The following TRIM62 variants were observed in gnomAD, a reference collection of about 807,000 sequenced individuals.
The protein encoded by TRIM62 is tripartite motif containing 62.
TRIM62 carries 39 observed loss-of-function variants against 44.2 expected under a neutral mutation model. That is an observed-to-expected ratio of 0.88 (90% confidence interval 0.68 to 1.15). TRIM62 has a LOEUF of 1.15. TRIM62 is among the 50% of genes most tolerant of loss of function. TRIM62 has a pLI of 0.00. For missense variants in TRIM62, 544 were observed against 665.5 expected, an observed-to-expected ratio of 0.82 and a Z score of 2.01; for synonymous variants, 278 against 292.3, an observed-to-expected ratio of 0.95 and a Z score of 0.50.
Position 33,180,967 on chromosome 1 carries a change from G to T in TRIM62, c.408+58C>A, listed in dbSNP as rs1296763700. ...CGGTCCAGCCCTGACCCCACCCCCC[G>T]CCCGGCCCCACCTCCAGCCCGGCCC... On this transcript the variant is annotated intron_variant, in intron 1 of 4. Coordinates refer to ENST00000291416, the MANE Select transcript of TRIM62 (RefSeq NM_018207.3). 1.2e-3 allele frequency: 444 copies of T among 372,500 alleles called. 4 individuals carry two copies. In the African/African-American group the frequency reaches 0.023, roughly 20 times the overall value. The allele number at this position is 372,500 out of a possible 1,614,324, so 23.1% of individuals were successfully genotyped here.
intron 1 of TRIM62, among the ~76,000 whole-genome samples, chr1:33,175,454 A>G (rs953678510): frequency 3.3e-5 from 5 of 152,184 alleles, no homozygotes; most frequent in Non-Finnish European, 5.9e-5. Flanking sequence ...TGGTACTGGG[A>G]AAACAACACT....
Position 33,146,536 on chromosome 1 carries a change from A to G in TRIM62, c.*641T>C, listed in dbSNP as rs143838508. On this transcript the variant is annotated 3_prime_UTR_variant, in exon 5 of 5. Transcript: ENST00000291416. ...CCTGTGGGCAGGAAGGTGGTGGCACATGACTATAATGTGTGGACTCAACTA... is the reference window on the plus strand; with the variant it reads ...CCTGTGGGCAGGAAGGTGGTGGCACGTGACTATAATGTGTGGACTCAACTA... The G allele has an allele frequency of 6.3e-6, 1 of 158,446 alleles. No homozygotes were observed. The highest frequency in any genetic ancestry group is 1.4e-5 in the Non-Finnish European group (1 of 71,522). 9.8% of individuals were successfully genotyped at this position (158,446 alleles called of 1,614,324 possible).
intron 4 of TRIM62, among the ~76,000 whole-genome samples, chr1:33,151,931 C>T (rs1016623977): frequency 1.3e-5 from 2 of 152,248 alleles, no homozygotes; most frequent in Non-Finnish European, 1.5e-5. Flanking sequence ...ACAGAGGCTT[C>T]GAACATGCAG....
chr1:33,173,819 C>T (rs1432865303), intron 1 of TRIM62, among the ~76,000 whole-genome samples: 1 of 151,966 alleles, frequency 6.6e-6, no homozygotes, highest in Non-Finnish European at 1.5e-5. Flanking sequence ...CCTGCCTCAG[C>T]CTCCCAAGTA....
intron 4 of TRIM62, among the ~76,000 whole-genome samples, chr1:33,151,946 C>T (rs545711138): frequency 4.6e-5 from 7 of 152,352 alleles, no homozygotes; most frequent in South Asian, 4.1e-4. Context: ...ATGCAGAGGC[C>T]TGACAGAACA....
In TRIM62 at chr1:33,181,473, G is replaced by C; in HGVS notation, c.-41C>G. 6.5e-7 allele frequency: 1 copy of C among 1,540,546 alleles called. No homozygotes were observed. Among genetic ancestry groups the C allele is most frequent in the Non-Finnish European group, 8.7e-7 (1 of 1,153,480 alleles). On this transcript the variant is annotated 5_prime_UTR_variant, in exon 1 of 5. Transcript: ENST00000291416. The surrounding 1 kb of genome is among the most constrained non-coding windows in gnomAD (Gnocchi z 6.5). ...AGAGAGGGGGGCCCGAGGGGCAGGGGGGCGGCTGAGAGAGCGCGGCGCTGT... is the reference window on the plus strand; with the variant it reads ...AGAGAGGGGGGCCCGAGGGGCAGGGCGGCGGCTGAGAGAGCGCGGCGCTGT...
Position 33,146,866 on chromosome 1 carries a change from A to G in TRIM62, c.*311T>C. ...GGCTGGGCTGGAGGGAGACACTGGA[A>G]GGTAGTCCCCTGCCCCTGAGAAGAT... is the stretch of plus-strand genomic sequence containing the variant. On this transcript the variant is annotated 3_prime_UTR_variant, in exon 5 of 5. Coordinates refer to ENST00000291416, the MANE Select transcript of TRIM62 (RefSeq NM_018207.3). 5.2e-6 allele frequency: 2 copies of G among 381,458 alleles called. No homozygotes were observed. The highest frequency in any genetic ancestry group is 9.7e-6 in the Non-Finnish European group (2 of 206,172). The allele number at this position is 381,458 out of a possible 1,614,324, so 23.6% of individuals were successfully genotyped here.
At position 33,159,902 on chromosome 1, in the gene TRIM62, C is replaced by G; in HGVS notation, c.547G>C (p.Glu183Gln). 1 of 1,609,386 alleles carries G rather than the reference C, an allele frequency of 6.2e-7. No homozygotes were observed. Among genetic ancestry groups the G allele is most frequent in the Non-Finnish European group, 8.5e-7 (1 of 1,179,968 alleles). Residue 183 changes from glutamate to glutamine, a missense_variant, in exon 3 of 5, where the codon GAG (glutamate) becomes CAG (glutamine). Transcript: ENST00000291416. This position sits in a 1 kb window ranked among gnomAD's most constrained non-coding sequence, Gnocchi z 4.2. Reference protein sequence around the residue: ...SLRTTIGEAFERLHRLLRERQ... With the variant: ...SLRTTIGEAFQRLHRLLRERQ... Reference sequence around the variant, plus strand: ...TCACGCAGCAGCCGGTGCAGCCGCTCGAAGGCCTCGCCGATAGTGGTCCGC... The same window carrying G: ...TCACGCAGCAGCCGGTGCAGCCGCTGGAAGGCCTCGCCGATAGTGGTCCGC...
chr1:33,172,824 C>T (rs3766815), intron 1 of TRIM62, among the ~76,000 whole-genome samples: 28,439 of 152,138 alleles, frequency 0.19, 3,168 homozygotes, highest in South Asian at 0.29. Context: ...AAAGCCATCT[C>T]AGCTCTGGCT....
Position 33,165,547 on chromosome 1 carries a change from A to T in TRIM62, c.428T>A (p.Leu143His). ...CCGCTCGCTGTCTTGAAGGGCCTGA[A>T]GTTGGTCCTTCAGCTCCCTCTGAAA... ...DELQRELKDQ[L>H]QALQDSEREH... is the part of the protein sequence containing the mutation. Residue 143 changes from leucine (L) to histidine (H), a missense_variant, in exon 2 of 5, where the codon CTT becomes CAT. Transcript: ENST00000291416. This position sits in a 1 kb window ranked among gnomAD's most constrained non-coding sequence, Gnocchi z 4.0. The T allele has an allele frequency of 6.2e-7, 1 of 1,609,986 alleles. No individual in the cohort carries two copies. Among genetic ancestry groups the T allele is most frequent in the Non-Finnish European group, 8.5e-7 (1 of 1,178,024 alleles).
At chr1:33,160,532 G>A (rs1317296900) in intron 2 of TRIM62, among the ~76,000 whole-genome samples, 1 of 151,984 alleles carries the variant, frequency 6.6e-6, no homozygotes, top group African/African-American at 2.4e-5. Context: ...AGCCTCCCTA[G>A]TAGCTGGGAT....
chr1:33,180,772 C>T (rs551279978), intron 1 of TRIM62, among the ~76,000 whole-genome samples: 2 of 152,060 alleles, frequency 1.3e-5, no homozygotes, highest in African/African-American at 2.4e-5. Flanking sequence ...GCGGACCAGC[C>T]GGTACTCCAG....
chr1:33,153,115 C>T (rs1411272852), intron 4 of TRIM62, among the ~76,000 whole-genome samples: 1 of 152,026 alleles, frequency 6.6e-6, no homozygotes, highest in Non-Finnish European at 1.5e-5. Context: ...TCAGGTGACC[C>T]AATAGGAAGC....
At chr1:33,156,125 G>T (rs1281945021) in intron 4 of TRIM62, among the ~76,000 whole-genome samples, 1 of 152,200 alleles carries the variant, frequency 6.6e-6, no homozygotes, top group Non-Finnish European at 1.5e-5. Flanking sequence ...CGCAGTCAAG[G>T]CTGGGCTGCA....
In TRIM62 at chr1:33,147,588, C is replaced by T. The variant is rs556506034; in HGVS notation, c.1017G>A (p.Ser339=). 2.0e-5 allele frequency: 33 copies of T among 1,614,122 alleles called. No individual in the cohort carries two copies. The highest frequency in any genetic ancestry group is 1.6e-4 in the Middle Eastern group (1 of 6,062). ...DSPKRFDVEV[S]VLGSEAFSSG... is the part of the protein sequence containing the mutation. ...TACTGAAGGCTTCAGAACCCAGCAC[C>T]GACACCTCCACATCGAAGCGCTTTG... The change falls in exon 5 of 5, where the codon TCG becomes TCA. Residue 339 remains serine, a synonymous_variant. Coordinates refer to ENST00000291416, the MANE Select transcript of TRIM62 (RefSeq NM_018207.3). This position sits in a 1 kb window ranked among gnomAD's most constrained non-coding sequence, Gnocchi z 8.1.
rs202030619 is a variant in TRIM62 at position 33,174,137 on chromosome 1, CT to C, written c.408+6887del. Among the ~76,000 whole-genome samples the C allele has an allele frequency of 4.2e-3, 640 of 151,066 alleles. 6 individuals are homozygous for C. The highest frequency in any genetic ancestry group is 0.015 in the African/African-American group (615 of 41,148). ...CCCCCCTTTCTTCTTCCCCCTTCTT[CT>C]CCCTTCTCCCTTTCCAGGCCCTTAG... On this transcript the variant is annotated intron_variant, in intron 1 of 4. Coordinates refer to ENST00000291416, the MANE Select transcript of TRIM62 (RefSeq NM_018207.3).
intron 4 of TRIM62, among the ~76,000 whole-genome samples, chr1:33,157,383 G>C (rs1284253169): frequency 6.6e-6 from 1 of 152,040 alleles, no homozygotes; most frequent in Non-Finnish European, 1.5e-5. Context: ...TACCTACGTG[G>C]CTCACTCTTC....
intron 1 of TRIM62, among the ~76,000 whole-genome samples, chr1:33,170,313 A>G (rs1645363064): frequency 1.7e-5 from 1 of 58,892 alleles, no homozygotes; most frequent in African/African-American, 6.7e-5. Flanking sequence ...GACACAGCCC[A>G]GTCTCTTTAA....
chr1:33,168,081 A>G lies in TRIM62; in HGVS notation c.409-2515T>C, dbSNP rs138676932. 1.1e-3 allele frequency among the ~76,000 whole-genome samples: 173 copies of G among 152,154 alleles called. 3 individuals are homozygous for G. Among genetic ancestry groups the G allele is most frequent in the Middle Eastern group, 6.8e-3 (2 of 294 alleles). On this transcript the variant is annotated intron_variant, in intron 1 of 4. Transcript: ENST00000291416. ...AATAAAGCAGTGTGAGATGGAGGGG[A>G]CTTTAGGTAGGGTGGCCAGGGAAGG...
Sources: gnomAD v4.1 joint callset for allele counts (sites outside exome capture counted in the v4.1 genomes callset) on GRCh38, gnomAD v4.1.1 for gene constraint, Gnocchi (gnomAD v3.1) non-coding constraint, MANE v1.5 for transcripts, NCBI Gene and HGNC (gene_info 2026-07-23, HGNC 2026-07-21) for gene names.